CCDC171: variants seen among roughly 807,000 people sequenced by gnomAD.
CCDC171 encodes the protein coiled-coil domain-containing protein 171.
In CCDC171, 177 loss-of-function variants were observed where a neutral mutation model predicts 168.2. The ratio of observed to expected loss-of-function variants is 1.05; its 90% CI spans 0.93 to 1.19. The LOEUF (loss-of-function observed/expected upper bound fraction) is 1.19. Ranked by LOEUF, CCDC171 falls within the 50% of genes most tolerant of loss-of-function variation. CCDC171 has a pLI of 0.00. For missense variants in CCDC171, 1,991 were observed against 1,539.0 expected (o/e 1.29, Z -4.91); for synonymous variants, 687 against 540.8 (o/e 1.27, Z -3.75).
intron 4 of CCDC171, chr9:15,587,560 A>G (rs1017869112): frequency 9.6e-5 from 43 of 448,630 alleles, no homozygotes; most frequent in Non-Finnish European, 1.7e-4. Flanking sequence ...CCAAAAAAAC[A>G]GACGAATACA....
At chr9:15,573,074 G>T (rs113893920) in intron 3 of CCDC171, among the ~76,000 whole-genome samples, 2 of 152,088 alleles carry the variant, frequency 1.3e-5, no homozygotes, top group South Asian at 2.1e-4. Context: ...CAGGAGAATC[G>T]CTTGAGCCCT....
intron 18 of CCDC171, among the ~76,000 whole-genome samples, chr9:15,765,403 C>T (rs2056668025): frequency 6.6e-6 from 1 of 151,970 alleles, no homozygotes; most frequent in Non-Finnish European, 1.5e-5. Flanking sequence ...GCACAATTGG[C>T]AGATGTCAAG....
intron 24 of CCDC171, among the ~76,000 whole-genome samples, chr9:15,879,782 A>G (rs1035717809): frequency 6.6e-6 from 1 of 152,138 alleles, no homozygotes; most frequent in Non-Finnish European, 1.5e-5. Flanking sequence ...GGTAATTACT[A>G]TCCTCTTGCA....
intron 20 of CCDC171, among the ~76,000 whole-genome samples, chr9:15,779,509 G>A (rs2135420612): frequency 1.3e-5 from 2 of 152,064 alleles, no homozygotes; most frequent in East Asian, 3.9e-4. Context: ...ACAGGTGGCT[G>A]CCACCACGCC....
intron 24 of CCDC171, chr9:15,883,321 A>G (rs1252580593): frequency 2.0e-5 from 3 of 153,092 alleles, no homozygotes; most frequent in Admixed American, 1.3e-4. Flanking sequence ...CAGCCTCCCA[A>G]AGTATTGGGA....
intron 21 of CCDC171, among the ~76,000 whole-genome samples, chr9:15,793,632 C>T (rs2135653551): frequency 7.5e-6 from 1 of 134,196 alleles, no homozygotes; most frequent in East Asian, 2.2e-4. Flanking sequence ...TCACTGCAAG[C>T]TCTACTCTCC....
chr9:15,692,128 C>T (rs1045071401), intron 10 of CCDC171, among the ~76,000 whole-genome samples: 9 of 152,156 alleles, frequency 5.9e-5, no homozygotes, highest in Admixed American at 2.6e-4. Flanking sequence ...GTAATCTCAA[C>T]GCTTTGGGAG....
intron 25 of CCDC171, among the ~76,000 whole-genome samples, chr9:15,948,435 C>T (rs988364026): frequency 8.4e-5 from 12 of 143,534 alleles, no homozygotes; most frequent in African/African-American, 2.8e-4. Flanking sequence ...AGTTTACAGT[C>T]CCACCAACAG....
At chr9:16,084,599 C>A in the CCDC171 span, among the ~76,000 whole-genome samples, 1 of 152,150 alleles carries the variant, frequency 6.6e-6, no homozygotes, top group Admixed American at 6.5e-5. Flanking sequence ...CCAGACTACC[C>A]GCTTTCCAAT....
chr9:15,786,166 C>T (rs2057942641), intron 21 of CCDC171, among the ~76,000 whole-genome samples: 1 of 151,968 alleles, frequency 6.6e-6, no homozygotes, highest in Admixed American at 6.6e-5. Flanking sequence ...TAGACAAATG[C>T]CAGGAATTTC....
At chr9:16,013,307 C>G (rs1160894057) in intron 3 of CCDC171, among the ~76,000 whole-genome samples, 2 of 152,114 alleles carry the variant, frequency 1.3e-5, no homozygotes, top group African/African-American at 2.4e-5. Flanking sequence ...GGAAAAAATC[C>G]AAGTTTCTCT....
In CCDC171 at chr9:15,848,875, A is replaced by G. The variant is rs1214915752; in HGVS notation, c.3414-18A>G. 2.0e-6 allele frequency: 3 copies of G among 1,485,982 alleles called. No individual in the cohort carries two copies. The highest frequency in any genetic ancestry group is 2.8e-6 in the Non-Finnish European group (3 of 1,082,110). 92.0% of individuals were successfully genotyped at this position (1,485,982 alleles called of 1,614,324 possible). A position where few individuals can be genotyped will look rare whatever the true frequency, so the allele number is the denominator to read the frequency against. On this transcript the variant is annotated intron_variant, in intron 22 of 25. Transcript: ENST00000380701. ...AAGGTTTGAGTTTTACTAACACTTA[A>G]TCTTTTATTTTTTCTAGAGACAAAG...
intron 21 of CCDC171, among the ~76,000 whole-genome samples, chr9:15,846,499 C>T (rs1023516211): frequency 5.3e-5 from 8 of 152,102 alleles, no homozygotes; most frequent in African/African-American, 1.9e-4. Context: ...TATTTTGTAA[C>T]AATTTCCCAA....
chr9:15,698,075 T>C (rs2051356667), intron 11 of CCDC171, among the ~76,000 whole-genome samples: 1 of 132,910 alleles, frequency 7.5e-6, no homozygotes, highest in Non-Finnish European at 1.7e-5. Flanking sequence ...AGTTCAATAC[T>C]GTGCTATTGA....
chr9:15,941,684 T>C (rs1827755587), intron 25 of CCDC171, among the ~76,000 whole-genome samples: 1 of 151,966 alleles, frequency 6.6e-6, no homozygotes, highest in Non-Finnish European at 1.5e-5. Context: ...AGTGCTACAA[T>C]ATATAATTTG....
the CCDC171 span, among the ~76,000 whole-genome samples, chr9:16,083,036 A>G: frequency 2.0e-5 from 3 of 152,338 alleles, no homozygotes; most frequent in African/African-American, 7.2e-5. Flanking sequence ...CTCTAAGTCA[A>G]TGGAATGAAA....
chr9:15,938,497 C>G (rs1360021002), intron 25 of CCDC171, among the ~76,000 whole-genome samples: 2 of 151,718 alleles, frequency 1.3e-5, no homozygotes, highest in Non-Finnish European at 2.9e-5. Flanking sequence ...TTCACTGGGT[C>G]TATGGTTAAG....
At chr9:15,577,595 G>A (rs1387313485) in intron 3 of CCDC171, among the ~76,000 whole-genome samples, 1 of 152,160 alleles carries the variant, frequency 6.6e-6, no homozygotes, top group Non-Finnish European at 1.5e-5. Flanking sequence ...GATACCAAGA[G>A]CAATATTACT....
At chr9:15,590,004 T>C (rs369932287) in intron 4 of CCDC171, among the ~76,000 whole-genome samples, 1 of 152,200 alleles carries the variant, frequency 6.6e-6, no homozygotes, top group African/African-American at 2.4e-5. Flanking sequence ...TTTACCGTTA[T>C]GGAAAGAAGT....
Sources: gnomAD v4.1 joint callset for allele counts (sites outside exome capture counted in the v4.1 genomes callset) on GRCh38, gnomAD v4.1.1 for gene constraint, MANE v1.5 for transcripts, NCBI Gene and HGNC (gene_info 2026-07-23, HGNC 2026-07-21) for gene names.